Variants in APLP2 observed in about 807,000 individuals in gnomAD.
APLP2 encodes the protein CDEI box-binding protein.
A neutral mutation model predicts 89.9 loss-of-function variants in APLP2; 53 were observed. The observed-to-expected ratio is 0.59, with a 90% CI of 0.47 to 0.74. The LOEUF (loss-of-function observed/expected upper bound fraction) is 0.74. APLP2 is among the 30% of genes least tolerant of loss of function. The pLI is 0.00. For synonymous variants in APLP2, 372 were observed against 348.6 expected, an observed-to-expected ratio of 1.07 and a Z score of -0.75; for missense variants, 973 against 975.9, an observed-to-expected ratio of 1.00 and a Z score of 0.04.
At position 130,130,083 on chromosome 11, in the gene APLP2, A is replaced by G; in HGVS notation, c.1501A>G (p.Asn501Asp). The G allele has an allele frequency of 1.9e-6, 3 of 1,614,232 alleles. No homozygotes were observed. The highest frequency in any genetic ancestry group is 2.5e-6 in the Non-Finnish European group (3 of 1,180,038). ...CTTACGGCGTTATGTCCGTGCTGAG[A>G]ACAAAGATCGCTTACATACCATCCG... Reference protein sequence around the residue: ...QALRRYVRAENKDRLHTIRHY... With the variant: ...QALRRYVRAEDKDRLHTIRHY... The change falls in exon 11 of 17, where the codon AAC becomes GAC. Residue 501 changes from asparagine (N) to aspartate (D), a missense_variant. Transcript: ENST00000338167.
chr11:130,070,442 CCT>C (rs1940746408), intron 1 of APLP2: 1 of 758,484 alleles, frequency 1.3e-6, no homozygotes, highest in Non-Finnish European at 1.7e-6. Context: ...CCAGGGCGCT[CCT>C]CTCCCGCCGG....
chr11:130,132,979 C>CTTT lies in APLP2; in HGVS notation c.1585-638_1585-636dup, dbSNP rs60338624. 4.5e-3 allele frequency among the ~76,000 whole-genome samples: 633 copies of CTTT among 141,254 alleles called. 4 individuals are homozygous for CTTT. The highest frequency in any genetic ancestry group is 0.015 in the African/African-American group (597 of 39,340). 92.7% of individuals were successfully genotyped at this position (141,254 alleles called of 152,430 possible). A position where few individuals can be genotyped will look rare whatever the true frequency, so the allele number is the denominator to read the frequency against. Reference sequence around the variant, plus strand: ...ATTCGGCATTGTACAAATTAGAGTTCTTTTTTTTTTTTTTGGCTCAATATA... The same window carrying CTTT: ...ATTCGGCATTGTACAAATTAGAGTTCTTTTTTTTTTTTTTTTTGGCTCAATATA... On this transcript the variant is annotated intron_variant, in intron 11 of 16. Transcript: ENST00000338167.
chr11:130,092,817 G>T (rs1474870862), intron 1 of APLP2, among the ~76,000 whole-genome samples: 1 of 152,092 alleles, frequency 6.6e-6, no homozygotes, highest in Non-Finnish European at 1.5e-5. Context: ...AGGGAGAGAT[G>T]CCTATGAAAT....
chr11:130,117,960 C>G (rs1949389772), intron 3 of APLP2, among the ~76,000 whole-genome samples: 1 of 151,846 alleles, frequency 6.6e-6, no homozygotes, highest in Non-Finnish European at 1.5e-5. Flanking sequence ...GCCTGTAGTC[C>G]CAGCTACTTG....
chr11:130,143,315 A>G, intron 16 of APLP2, 32 bp from the exon 17 acceptor site: 1 of 1,599,012 alleles, frequency 6.3e-7, no homozygotes, highest in Non-Finnish European at 8.6e-7. Flanking sequence ...CTTCCCAGAC[A>G]CCACAATGAC....
intron 1 of APLP2, among the ~76,000 whole-genome samples, chr11:130,104,611 A>G (rs1947401832): frequency 6.6e-6 from 1 of 152,120 alleles, no homozygotes; most frequent in Non-Finnish European, 1.5e-5. Flanking sequence ...AAGCACCACT[A>G]GAGTATTACC....
At chr11:130,112,853 G>C (rs1948751626) in intron 3 of APLP2, among the ~76,000 whole-genome samples, 1 of 152,178 alleles carries the variant, frequency 6.6e-6, no homozygotes, top group African/African-American at 2.4e-5. Flanking sequence ...CCTGTTCTCT[G>C]TGATGTCATG....
rs925594664 is a variant in APLP2 at position 130,120,708 on chromosome 11, G to A, written c.406G>A (p.Gly136Ser). The A allele has an allele frequency of 1.9e-6, 3 of 1,611,882 alleles. No individual in the cohort carries two copies. The African/African-American group carries it at 4.0e-5, about 21-fold the overall frequency. Residue 136 changes from glycine to serine, a missense_variant and splice_region_variant, in exon 4 of 17, where the codon GGT becomes AGT. Transcript: ENST00000338167. ...RFVTPFKCLV[G>S]EFVSDVLLVP... ...CTGACAAAGATTCTCTTTTCCAGTG[G>A]GTGAATTTGTAAGTGATGTCCTGCT...
intron 3 of APLP2, among the ~76,000 whole-genome samples, chr11:130,117,447 C>CT (rs888274317): frequency 3.9e-4 from 57 of 145,216 alleles, no homozygotes; most frequent in East Asian, 1.2e-3. Context: ...TCATCTCCAT[C>CT]TTTTTTTTTT....
chr11:130,118,771 C>T (rs1949498666), intron 3 of APLP2, among the ~76,000 whole-genome samples: 1 of 152,174 alleles, frequency 6.6e-6, no homozygotes, highest in South Asian at 2.1e-4. Context: ...GCAGGTACTG[C>T]CTCCCCTAGA....
At chr11:130,070,813 G>A in intron 1 of APLP2, 1 of 1,264,304 alleles carries the variant, frequency 7.9e-7, no homozygotes, top group Non-Finnish European at 1.0e-6. Context: ...CGTGTAAACT[G>A]TTGGAAAAAT....
At chr11:130,119,051 G>A (rs1019778847) in intron 3 of APLP2, among the ~76,000 whole-genome samples, 1 of 152,172 alleles carries the variant, frequency 6.6e-6, no homozygotes, top group Non-Finnish European at 1.5e-5. Context: ...GCTTGCGCCC[G>A]AGGCCCAAGG....
chr11:130,099,547 C>T (rs1292258246), intron 1 of APLP2, among the ~76,000 whole-genome samples: 1 of 152,176 alleles, frequency 6.6e-6, no homozygotes, highest in East Asian at 1.9e-4. Context: ...CTTCCAAGTC[C>T]CGGAAGCTGG....
rs916118920 is a variant in APLP2, at chr11:130,143,399, A to G, written c.2207A>G (p.His736Arg). Reference protein sequence around the residue: ...EERHLNKMQNHGYENPTYKYL... With the variant: ...EERHLNKMQNRGYENPTYKYL... ...CGTCACCTGAACAAGATGCAGAACC[A>G]TGGCTATGAGAACCCCACCTACAAA... The change falls in exon 17 of 17, where the codon CAT becomes CGT. Residue 736 changes from histidine to arginine, a missense_variant. His to Arg is a conservative substitution (Grantham distance 29). Coordinates refer to ENST00000338167, the MANE Select transcript of APLP2 (RefSeq NM_001142276.2). The G allele has an allele frequency of 5.6e-6, 9 of 1,613,864 alleles. No homozygotes were observed. The highest frequency in any genetic ancestry group is 6.8e-6 in the Non-Finnish European group (8 of 1,180,004).
intron 1 of APLP2, among the ~76,000 whole-genome samples, chr11:130,076,410 C>T (rs1162696258): frequency 1.3e-5 from 2 of 152,114 alleles, no homozygotes; most frequent in Non-Finnish European, 2.9e-5. Flanking sequence ...TGCAAGTTCT[C>T]TTTTTTTAGT....
intron 1 of APLP2, among the ~76,000 whole-genome samples, chr11:130,089,574 CAT>C (rs544793238): frequency 4.1e-4 from 63 of 152,336 alleles, no homozygotes; most frequent in African/African-American, 1.5e-3. Flanking sequence ...CCTAAATACA[CAT>C]GTTGAGTCTT....
chr11:130,074,050 G>T (rs918654235), intron 1 of APLP2, among the ~76,000 whole-genome samples: 2 of 152,074 alleles, frequency 1.3e-5, no homozygotes, highest in Non-Finnish European at 2.9e-5. Context: ...TATTTTCTAA[G>T]AGCCAAAGAC....
intron 1 of APLP2, among the ~76,000 whole-genome samples, chr11:130,083,342 A>AT (rs1462644903): frequency 1.6e-3 from 236 of 148,104 alleles, no homozygotes; most frequent in East Asian, 3.7e-3. Context: ...GCCTTAAAAC[A>AT]TTTTTTTTTT....
chr11:130,104,463 C>G (rs1947380976), intron 1 of APLP2, among the ~76,000 whole-genome samples: 1 of 152,112 alleles, frequency 6.6e-6, no homozygotes, highest in Non-Finnish European at 1.5e-5. Context: ...AGATATCCAC[C>G]TGCCTCAGCC....
Sources: allele counts gnomAD v4.1 joint callset (sites outside exome capture counted in the v4.1 genomes callset), GRCh38; gene constraint gnomAD v4.1.1; transcripts MANE v1.5; gene names NCBI Gene and HGNC (gene_info 2026-07-23, HGNC 2026-07-21).